Variants in PARVB observed in about 807,000 individuals in gnomAD.
PARVB encodes beta-parvin.
PARVB carries 46 observed loss-of-function variants against 47.0 expected under a neutral mutation model. The observed-to-expected ratio is 0.98, with a 90% confidence interval of 0.77 to 1.25. The LOEUF is 1.25. Among genes scored for constraint, PARVB ranks in the 50% most tolerant of loss-of-function variants. The probability of loss-of-function intolerance (pLI) is 0.00; values close to 1 mark genes in which losing one functional copy is unlikely to be tolerated. For missense variants in PARVB, 473 were observed against 471.6 expected (o/e 1.00, Z -0.03); for synonymous variants, 196 against 196.3 (o/e 1.00, Z 0.01).
In PARVB at chr22:44,168,852, G is replaced by A; in HGVS notation, c.*174G>A. ...GCCCCACCCCCTGCCTCTTTTGGTT[G>A]TTGTTCTTAATCTCCTCTCCATGTA... On this transcript the variant is annotated 3_prime_UTR_variant, in exon 13 of 13. Coordinates refer to ENST00000338758, the MANE Select transcript of PARVB (RefSeq NM_013327.5). The A allele has an allele frequency of 1.7e-6, 1 of 571,700 alleles. No individual in the cohort carries two copies. Among genetic ancestry groups the A allele is most frequent in the Non-Finnish European group, 3.1e-6 (1 of 323,628 alleles). 35.4% of individuals were successfully genotyped at this position (571,700 alleles called of 1,614,324 possible). A position where few individuals can be genotyped will look rare whatever the true frequency, so the allele number is the denominator to read the frequency against.
Position 44,129,959 on chromosome 22 carries a change from G to C in PARVB, c.377-1528G>C, listed in dbSNP as rs1011244763. On this transcript the variant is annotated intron_variant, in intron 4 of 12. Transcript: ENST00000338758. ...CGAAGGGGTATTCCGAGCCCAGCAG[G>C]CCTTGCTCTAGAATTTTATTATCTT... 3.9e-5 allele frequency among the ~76,000 whole-genome samples: 6 copies of C among 152,342 alleles called. 1 individual carries two copies. The South Asian group carries it at 6.2e-4, about 16-fold the overall frequency.
At chr22:44,122,812 C>T (rs192252980) in intron 4 of PARVB, among the ~76,000 whole-genome samples, 23 of 152,246 alleles carry the variant, frequency 1.5e-4, no homozygotes, top group Admixed American at 1.3e-3. Flanking sequence ...TCTAGGAATC[C>T]TTGCATGTGG....
chr22:44,113,688 C>G (rs1406706319), intron 3 of PARVB: 1 of 58,824 alleles, frequency 1.7e-5, no homozygotes, highest in Non-Finnish European at 3.0e-5. Context: ...CTAAGTAAGG[C>G]CCTGCACCAA....
chr22:44,148,412 G>C (rs147654356), intron 9 of PARVB: 117 of 193,538 alleles, frequency 6.0e-4, no homozygotes, highest in African/African-American at 2.6e-3. Flanking sequence ...CCGAGGCTCT[G>C]GAGTTGGGGG....
At chr22:44,016,289 G>C (rs1047007772) in intron 2 of PARVB, among the ~76,000 whole-genome samples, 3 of 151,738 alleles carry the variant, frequency 2.0e-5, no homozygotes, top group Admixed American at 6.6e-5. Flanking sequence ...GTAGAGACGG[G>C]GTTTCACCGT....
chr22:44,158,202 T>G, intron 11 of PARVB, 119 bp downstream of exon 11: 1 of 653,918 alleles, frequency 1.5e-6, no homozygotes. Flanking sequence ...AAGTAAAAAA[T>G]GCACAAGTGA....
chr22:44,165,571 G>A (rs2054149659), intron 12 of PARVB, among the ~76,000 whole-genome samples: 1 of 152,236 alleles, frequency 6.6e-6, no homozygotes, highest in South Asian at 2.1e-4. Context: ...CTCCCCAGCT[G>A]TGCATCCTTG....
rs577804842 is a variant in PARVB at position 44,095,281 on chromosome 22, G to C, written c.202+1264G>C. ...CCCAGCACTTTGGAAGGCCAAAGTG[G>C]ACGGATCACTTGAGTTCAGGAGTTT... On this transcript the variant is annotated intron_variant, in intron 2 of 12. Transcript: ENST00000338758. 4.6e-5 allele frequency among the ~76,000 whole-genome samples: 7 copies of C among 152,214 alleles called. No homozygotes were observed. In the South Asian group the frequency reaches 1.5e-3, roughly 32 times the overall value.
intron 2 of PARVB, among the ~76,000 whole-genome samples, chr22:44,008,093 T>TG (rs1569046137): frequency 6.6e-6 from 1 of 152,104 alleles, no homozygotes; most frequent in Non-Finnish European, 1.5e-5. Flanking sequence ...ACAGGTTTTT[T>TG]TTGTTGTTGT....
intron 1 of PARVB, among the ~76,000 whole-genome samples, chr22:44,039,546 G>GAAA (rs751255660): frequency 1.8e-5 from 2 of 113,200 alleles, no homozygotes; most frequent in Non-Finnish European, 1.9e-5. Context: ...CTGTCAAAAA[G>GAAA]AAAGAAAAAA....
chr22:44,030,966 G>A (rs1011722228), intron 1 of PARVB, among the ~76,000 whole-genome samples: 2 of 152,150 alleles, frequency 1.3e-5, no homozygotes, highest in African/African-American at 4.8e-5. Context: ...GACAGGTGAG[G>A]GACCAGGGCC....
chr22:44,063,319 C>T (rs748493237), intron 1 of PARVB, among the ~76,000 whole-genome samples: 3 of 151,812 alleles, frequency 2.0e-5, no homozygotes, highest in Non-Finnish European at 2.9e-5. Context: ...CTCCGCCTCC[C>T]GGGTTCAAGT....
In PARVB at chr22:44,100,104, A is replaced by C; in HGVS notation, c.254A>C (p.Lys85Thr). 1 of 1,613,814 alleles carries C rather than the reference A, an allele frequency of 6.2e-7. No individual in the cohort carries two copies. The highest frequency in any genetic ancestry group is 8.5e-7 in the Non-Finnish European group (1 of 1,179,710). Residue 85 changes from lysine to threonine, a missense_variant, in exon 3 of 13, where the codon AAG becomes ACG. Physicochemically the swap from Lys to Thr is moderately conservative, Grantham distance 78 (BLOSUM62 -1). Transcript: ENST00000338758. Reference protein sequence around the residue: ...MIDPTSKEDPKFKELVKVLLD... With the variant: ...MIDPTSKEDPTFKELVKVLLD... ...GACCCCACTTCCAAGGAAGACCCCAAGTTCAAGGAACTGGTCAAGGTAAGG... is the reference window on the plus strand; with the variant it reads ...GACCCCACTTCCAAGGAAGACCCCACGTTCAAGGAACTGGTCAAGGTAAGG...
chr22:44,061,431 AAAAAC>A (rs137915447), intron 1 of PARVB, among the ~76,000 whole-genome samples: 112,501 of 149,884 alleles, frequency 0.75, 42,590 homozygotes, highest in African/African-American at 0.86. Flanking sequence ...ACTTCATCTC[AAAAAC>A]AAAACAAAAC....
At chr22:44,088,067 C>T (rs2052073812) in intron 1 of PARVB, among the ~76,000 whole-genome samples, 1 of 152,096 alleles carries the variant, frequency 6.6e-6, no homozygotes, top group South Asian at 2.1e-4. Context: ...AACTGAGACA[C>T]ACAGAGCCGT....
intron 4 of PARVB, among the ~76,000 whole-genome samples, chr22:44,123,442 C>A (rs2053116001): frequency 2.0e-5 from 3 of 152,226 alleles, no homozygotes; most frequent in Middle Eastern, 6.8e-3. Context: ...AAGACAGGGT[C>A]TCACTCCATT....
At position 44,103,763 on chromosome 22, in the gene PARVB, T is replaced by C. The variant is rs2267610; in HGVS notation, c.273+3640T>C. 24,063 of 152,180 alleles carry C rather than the reference T, an allele frequency of 0.16. 2,685 individuals are homozygous for C. The highest frequency in any genetic ancestry group is 0.56 in the East Asian group (2,890 of 5,138). 9.4% of individuals were successfully genotyped at this position (152,180 alleles called of 1,614,324 possible). On this transcript the variant is annotated intron_variant, in intron 3 of 12. Transcript: ENST00000338758. This position sits in a 1 kb window ranked among gnomAD's most constrained non-coding sequence, Gnocchi z 4.6. ...ACCCTGGAGGCAAGGTGGTAGCTTC[T>C]GGCTCTGAAGATGGAAGAAGGGGCC...
chr22:44,073,347 AGCTGGGCGTG>A (rs991285131), intron 1 of PARVB, among the ~76,000 whole-genome samples: 2 of 152,130 alleles, frequency 1.3e-5, no homozygotes, highest in African/African-American at 4.8e-5. Flanking sequence ...AACAAAATTT[AGCTGGGCGTG>A]GCGGTGCATG....
chr22:44,095,237 G>A (rs957330612), intron 2 of PARVB, among the ~76,000 whole-genome samples: 4 of 152,092 alleles, frequency 2.6e-5, no homozygotes, highest in Non-Finnish European at 4.4e-5. Context: ...GGGCGGGCAC[G>A]GTGGCTCACA....
Sources: allele counts gnomAD v4.1 joint callset (sites outside exome capture counted in the v4.1 genomes callset), GRCh38; gene constraint gnomAD v4.1.1; non-coding constraint Gnocchi (gnomAD v3.1); transcripts MANE v1.5; gene names NCBI Gene and HGNC (gene_info 2026-07-23, HGNC 2026-07-21).